The following NTSR1 variants were observed in gnomAD, a reference collection of about 807,000 sequenced individuals.
NTSR1 encodes the protein neurotensin receptor type 1.
NTSR1 carries 29 observed loss-of-function variants against 31.2 expected under a neutral mutation model. The ratio of observed to expected loss-of-function variants is 0.93; its 90% CI spans 0.69 to 1.27. The LOEUF (loss-of-function observed/expected upper bound fraction) is 1.27, where lower values mean the gene tolerates loss of function less well. NTSR1 is among the 50% of genes most tolerant of loss of function. NTSR1 has a pLI of 0.00. For missense variants in NTSR1, 697 were observed against 595.4 expected, an observed-to-expected ratio of 1.17 and a Z score of -1.78; for synonymous variants, 282 against 269.9, an observed-to-expected ratio of 1.04 and a Z score of -0.44.
At chr20:62,747,799 A>G (rs1989326907) in intron 1 of NTSR1, among the ~76,000 whole-genome samples, 1 of 152,268 alleles carries the variant, frequency 6.6e-6, no homozygotes, top group Non-Finnish European at 1.5e-5. Context: ...ACTAATAAAC[A>G]CATTCAATAA....
At chr20:62,721,960 C>A (rs1988833224) in intron 1 of NTSR1, among the ~76,000 whole-genome samples, 1 of 152,214 alleles carries the variant, frequency 6.6e-6, no homozygotes, top group South Asian at 2.1e-4. Context: ...TTACACCTGA[C>A]ACCTCCTGCT....
intron 1 of NTSR1, among the ~76,000 whole-genome samples, chr20:62,737,250 A>G (rs1244827232): frequency 1.3e-5 from 2 of 152,126 alleles, no homozygotes; most frequent in East Asian, 1.9e-4. Flanking sequence ...CTGCTCATGT[A>G]CGTACTGCTA....
At chr20:62,726,389 C>T (rs1988907279) in intron 1 of NTSR1, among the ~76,000 whole-genome samples, 1 of 152,234 alleles carries the variant, frequency 6.6e-6, no homozygotes, top group Admixed American at 6.5e-5. Context: ...CCTCAAGAAA[C>T]TGCTGCTCTC....
At chr20:62,736,610 C>T (rs531948135) in intron 1 of NTSR1, among the ~76,000 whole-genome samples, 33 of 152,282 alleles carry the variant, frequency 2.2e-4, no homozygotes, top group Middle Eastern at 3.4e-3. Flanking sequence ...CCGAGGACTC[C>T]GAGGCCCTGG....
intron 1 of NTSR1, among the ~76,000 whole-genome samples, chr20:62,739,088 G>A (rs1989156672): frequency 6.6e-6 from 1 of 152,250 alleles, no homozygotes; most frequent in South Asian, 2.1e-4. Context: ...CTGCGTGGCT[G>A]TGAGGGAGAC....
At position 62,733,717 on chromosome 20, in the gene NTSR1, CAA is replaced by C. The variant is rs1475485312; in HGVS notation, c.715-20966_715-20965del. ...AGAGAGAGAAACAGAGGGAGAAACA[CAA>C]AGAGAGGGAGAGAAGGAGAGAGAGA... On this transcript the variant is annotated intron_variant, in intron 1 of 3. Coordinates refer to ENST00000370501, the MANE Select transcript of NTSR1 (RefSeq NM_002531.3). The surrounding 1 kb of genome is among the most constrained non-coding windows in gnomAD (Gnocchi z 5.2). Among the ~76,000 whole-genome samples the C allele has an allele frequency of 1.4e-5, 2 of 147,906 alleles. No individual in the cohort carries two copies. Among genetic ancestry groups the C allele is most frequent in the Admixed American group, 6.9e-5 (1 of 14,584 alleles).
chr20:62,716,568 T>C, intron 1 of NTSR1, among the ~76,000 whole-genome samples: 1 of 152,212 alleles, frequency 6.6e-6, no homozygotes, highest in Non-Finnish European at 1.5e-5. Flanking sequence ...GGCTGTAGAC[T>C]GAGGGGTGGA....
rs563018611 is a variant in NTSR1, at chr20:62,741,322, C to A, written c.715-13363C>A. On this transcript the variant is annotated intron_variant, in intron 1 of 3. Coordinates refer to ENST00000370501, the MANE Select transcript of NTSR1 (RefSeq NM_002531.3). This position sits in a 1 kb window ranked among gnomAD's most constrained non-coding sequence, Gnocchi z 4.3. ...CAGACAATGGCCTCTATAGCTCCAG[C>A]AATCAGGAGGGAAAAGATTCCAACT... Among the ~76,000 whole-genome samples the A allele has an allele frequency of 2.7e-4, 37 of 136,288 alleles. 5 individuals are homozygous for A. Among genetic ancestry groups the A allele is most frequent in the Middle Eastern group, 3.5e-3 (1 of 286 alleles). 89.4% of individuals were successfully genotyped at this position (136,288 alleles called of 152,430 possible). A position where few individuals can be genotyped will look rare whatever the true frequency, so the allele number is the denominator to read the frequency against.
At position 62,737,598 on chromosome 20, in the gene NTSR1, G is replaced by T. The variant is rs375565961; in HGVS notation, c.715-17087G>T. ...GGCCTTGCCCCACTCGGCCTGAGGA[G>T]AGCCTGGAGAGAGATGCCGTCCCTG... On this transcript the variant is annotated intron_variant, in intron 1 of 3. Transcript: ENST00000370501. 3.9e-5 allele frequency among the ~76,000 whole-genome samples: 6 copies of T among 152,088 alleles called. No individual in the cohort carries two copies. In the South Asian group the frequency reaches 1.2e-3, roughly 32 times the overall value.
At chr20:62,721,479 G>C (rs1433944210) in intron 1 of NTSR1, among the ~76,000 whole-genome samples, 1 of 152,240 alleles carries the variant, frequency 6.6e-6, no homozygotes. Flanking sequence ...CAGCCCGCTT[G>C]GTCAGAGCTG....
chr20:62,710,482 C>T (rs960421188), intron 1 of NTSR1, among the ~76,000 whole-genome samples: 9 of 152,132 alleles, frequency 5.9e-5, no homozygotes, highest in Non-Finnish European at 1.2e-4. Flanking sequence ...AGAGAGGACG[C>T]GTGGGAAGTG....
chr20:62,731,017 G>T (rs145833700), intron 1 of NTSR1, among the ~76,000 whole-genome samples: 1 of 152,242 alleles, frequency 6.6e-6, no homozygotes, highest in Non-Finnish European at 1.5e-5. Context: ...TTCCTAGGCT[G>T]TATCTTGTCT....
intron 1 of NTSR1, among the ~76,000 whole-genome samples, chr20:62,712,026 T>C (rs1988626109): frequency 6.6e-6 from 1 of 152,240 alleles, no homozygotes; most frequent in Non-Finnish European, 1.5e-5. Context: ...GCTGCGTGCC[T>C]GGGAGCAGCT....
At chr20:62,723,309 T>C (rs1020269371) in intron 1 of NTSR1, among the ~76,000 whole-genome samples, 2 of 152,306 alleles carry the variant, frequency 1.3e-5, no homozygotes, top group African/African-American at 2.4e-5. Flanking sequence ...TGCTGCTGTC[T>C]GGGGTGTCAC....
intron 3 of NTSR1, among the ~76,000 whole-genome samples, chr20:62,759,631 G>A (rs559263726): frequency 6.6e-5 from 10 of 152,222 alleles, no homozygotes; most frequent in South Asian, 2.1e-4. Flanking sequence ...AAAATTAGCC[G>A]GGCGTGGTGG....
At chr20:62,713,708 G>A (rs549893644) in intron 1 of NTSR1, among the ~76,000 whole-genome samples, 24 of 152,346 alleles carry the variant, frequency 1.6e-4, no homozygotes, top group South Asian at 6.2e-4. Flanking sequence ...GACTGCTTGC[G>A]GGTCATGCGG....
rs147622953 is a variant in NTSR1, at chr20:62,738,050, A to G, written c.715-16635A>G. 3.5e-3 allele frequency among the ~76,000 whole-genome samples: 538 copies of G among 152,088 alleles called. 2 individuals carry two copies. Among genetic ancestry groups the G allele is most frequent in the Non-Finnish European group, 6.8e-3 (459 of 67,952 alleles). The stretch of plus-strand genomic sequence containing the variant: ...CCGCATCCCTTTCCCTGCAGTGCCC[A>G]TCTGCCCACGTCTGCCCCCCTCCCC... On this transcript the variant is annotated intron_variant, in intron 1 of 3. Coordinates refer to ENST00000370501, the MANE Select transcript of NTSR1 (RefSeq NM_002531.3).
Position 62,745,821 on chromosome 20 carries a change from G to C in NTSR1, c.715-8864G>C, listed in dbSNP as rs1005215803. Among the ~76,000 whole-genome samples the C allele has an allele frequency of 6.6e-6, 1 of 152,202 alleles. No individual in the cohort carries two copies. The highest frequency in any genetic ancestry group is 6.5e-5 in the Admixed American group (1 of 15,282). On this transcript the variant is annotated intron_variant, in intron 1 of 3. Coordinates refer to ENST00000370501, the MANE Select transcript of NTSR1 (RefSeq NM_002531.3). This position sits in a 1 kb window ranked among gnomAD's most constrained non-coding sequence, Gnocchi z 4.1. The stretch of plus-strand genomic sequence containing the variant: ...CTCCCCTGCTGCTTGGAATTGCAAA[G>C]CCAGGCGGTCTGGGAGTCCCAGCCA...
rs1195739898 is a variant in NTSR1, at chr20:62,714,833, C to G, written c.714+4912C>G. ...CTGTCGCAGAAAGCCGGCACCAAAG[C>G]TGATCATTCTTCCTGCCAAGAAACA... On this transcript the variant is annotated intron_variant, in intron 1 of 3. Transcript: ENST00000370501. This position sits in a 1 kb window ranked among gnomAD's most constrained non-coding sequence, Gnocchi z 4.1. Among the ~76,000 whole-genome samples the G allele has an allele frequency of 1.3e-5, 2 of 152,214 alleles. No homozygotes were observed. The highest frequency in any genetic ancestry group is 4.8e-5 in the African/African-American group (2 of 41,452).
Sources: gnomAD v4.1 joint callset for allele counts (sites outside exome capture counted in the v4.1 genomes callset) on GRCh38, gnomAD v4.1.1 for gene constraint, Gnocchi (gnomAD v3.1) non-coding constraint, MANE v1.5 for transcripts, NCBI Gene and HGNC (gene_info 2026-07-23, HGNC 2026-07-21) for gene names.